The following DTNBP1 variants were observed in gnomAD, a reference collection of about 807,000 sequenced individuals.
DTNBP1 encodes dysbindin.
A neutral mutation model predicts 42.8 loss-of-function variants in DTNBP1; 35 were observed. That is an observed-to-expected ratio of 0.82 (90% CI 0.63 to 1.09). The LOEUF is 1.09. Ranked by LOEUF, DTNBP1 falls within the 50% of genes least tolerant of loss-of-function variation. The pLI is 0.00. For synonymous variants in DTNBP1, 171 were observed against 162.2 expected (o/e 1.05, Z -0.41); for missense variants, 457 against 424.2 (o/e 1.08, Z -0.68).
At chr6:15,602,760 C>A (rs1255575197) in intron 6 of DTNBP1, among the ~76,000 whole-genome samples, 1 of 152,094 alleles carries the variant, frequency 6.6e-6, no homozygotes, top group Non-Finnish European at 1.5e-5. Flanking sequence ...AAACTTTTCT[C>A]GAGATTGCTA....
rs567175514 is a variant in DTNBP1 at position 15,530,530 on chromosome 6, G to A, written c.667+2710C>T. On this transcript the variant is annotated intron_variant, in intron 8 of 9. Transcript: ENST00000344537. ...TATTTCCAGCAGGTATCTGCTAGAC[G>A]CGTTCTCTCTGCCAGCCCGCTGACT... Among the ~76,000 whole-genome samples, 5 of 152,166 alleles carry A rather than the reference G, an allele frequency of 3.3e-5. No homozygotes were observed. In the South Asian group the frequency reaches 6.2e-4, roughly 19 times the overall value.
At chr6:15,658,064 G>A (rs1761383558) in intron 1 of DTNBP1, among the ~76,000 whole-genome samples, 1 of 152,152 alleles carries the variant, frequency 6.6e-6, no homozygotes, top group Non-Finnish European at 1.5e-5. Flanking sequence ...CCAGTCTAGG[G>A]CATCTGGTGG....
chr6:15,630,042 C>T (rs1369594295), intron 4 of DTNBP1, among the ~76,000 whole-genome samples: 1 of 152,030 alleles, frequency 6.6e-6, no homozygotes, highest in Non-Finnish European at 1.5e-5. Flanking sequence ...CAAGATTCAC[C>T]CCCAGGAAAT....
At chr6:15,606,775 C>G (rs940310914) in intron 6 of DTNBP1, among the ~76,000 whole-genome samples, 2 of 152,082 alleles carry the variant, frequency 1.3e-5, no homozygotes, top group African/African-American at 4.8e-5. Context: ...TCGTTTTCTT[C>G]AGAGTAAGAA....
intron 6 of DTNBP1, among the ~76,000 whole-genome samples, chr6:15,601,442 C>T (rs1440345041): frequency 6.6e-6 from 1 of 152,046 alleles, no homozygotes; most frequent in African/African-American, 2.4e-5. Context: ...TTTTAAAAAC[C>T]CATGTACAGC....
intron 3 of DTNBP1, among the ~76,000 whole-genome samples, chr6:15,649,966 GTAC>G (rs1250787197): frequency 2.0e-5 from 3 of 152,182 alleles, no homozygotes; most frequent in African/African-American, 7.2e-5. Context: ...TGATTAATTT[GTAC>G]TACACTTCCT....
At chr6:15,574,993 TG>T (rs1158529729) in intron 7 of DTNBP1, among the ~76,000 whole-genome samples, 1 of 152,228 alleles carries the variant, frequency 6.6e-6, no homozygotes, top group African/African-American at 2.4e-5. Flanking sequence ...TCCTGCTATA[TG>T]TTCTCTGAAT....
chr6:15,597,833 C>G (rs1299713709), intron 6 of DTNBP1, among the ~76,000 whole-genome samples: 1 of 152,120 alleles, frequency 6.6e-6, no homozygotes, highest in Non-Finnish European at 1.5e-5. Context: ...GAGGCCATTG[C>G]TGTAATAAAA....
At chr6:15,566,069 C>T (rs1406323624) in intron 7 of DTNBP1, among the ~76,000 whole-genome samples, 1 of 152,256 alleles carries the variant, frequency 6.6e-6, no homozygotes, top group South Asian at 2.1e-4. Context: ...AATCCCAGCA[C>T]TTTGGGAGGC....
rs1344499295 is a variant in DTNBP1 at position 15,541,320 on chromosome 6, T to C, written c.512-7925A>G. On this transcript the variant is annotated intron_variant, in intron 7 of 9. Coordinates refer to ENST00000344537, the MANE Select transcript of DTNBP1 (RefSeq NM_032122.5). ...ACAACCAAATATGGGAGAGGTGAAA[T>C]GATGGGAGGATATTTGAAGGAAAAA... Among the ~76,000 whole-genome samples the C allele has an allele frequency of 4.6e-5, 7 of 151,468 alleles. No homozygotes were observed. In the South Asian group the frequency reaches 1.5e-3, roughly 31 times the overall value.
chr6:15,596,162 ATC>A (rs1776507779), intron 6 of DTNBP1, among the ~76,000 whole-genome samples: 1 of 152,240 alleles, frequency 6.6e-6, no homozygotes, highest in South Asian at 2.1e-4. Context: ...AGCCCAAGGC[ATC>A]TGACTCAATG....
chr6:15,588,233 T>C (rs1176367851), intron 7 of DTNBP1, among the ~76,000 whole-genome samples: 2 of 152,244 alleles, frequency 1.3e-5, no homozygotes, highest in African/African-American at 4.8e-5. Flanking sequence ...ATTCTAGCAA[T>C]GGCTGAATTC....
intron 7 of DTNBP1, among the ~76,000 whole-genome samples, chr6:15,588,469 AATTT>A (rs1289573219): frequency 4.6e-5 from 7 of 152,226 alleles, no homozygotes; most frequent in African/African-American, 1.7e-4. Flanking sequence ...TTCCTGCTCT[AATTT>A]ATTACATAAT....
chr6:15,628,866 G>C (rs1458470978), intron 4 of DTNBP1, among the ~76,000 whole-genome samples: 1 of 152,144 alleles, frequency 6.6e-6, no homozygotes, highest in Admixed American at 6.5e-5. Flanking sequence ...TTTCACTATA[G>C]TAGGAATTCT....
chr6:15,612,833 A>G (rs1333399806), intron 6 of DTNBP1, among the ~76,000 whole-genome samples: 1 of 152,220 alleles, frequency 6.6e-6, no homozygotes, highest in African/African-American at 2.4e-5. Context: ...CATTATAAAC[A>G]TATTTCCATG....
At chr6:15,610,952 A>T (rs1329043117) in intron 6 of DTNBP1, among the ~76,000 whole-genome samples, 5 of 152,244 alleles carry the variant, frequency 3.3e-5, no homozygotes, top group Non-Finnish European at 7.3e-5. Context: ...TATCCAGAAG[A>T]TCTAGCTACG....
chr6:15,620,598 C>T (rs1758988778), intron 5 of DTNBP1, among the ~76,000 whole-genome samples: 1 of 152,184 alleles, frequency 6.6e-6, no homozygotes, highest in East Asian at 1.9e-4. Context: ...TATAACTAGT[C>T]TGACATGGTC....
At chr6:15,551,131 T>C (rs1774187186) in intron 7 of DTNBP1, among the ~76,000 whole-genome samples, 1 of 151,330 alleles carries the variant, frequency 6.6e-6, no homozygotes, top group East Asian at 1.9e-4. Flanking sequence ...GATGAAGGGG[T>C]AAATGAGCAG....
At chr6:15,624,305 T>G (rs1319400622) in intron 5 of DTNBP1, among the ~76,000 whole-genome samples, 1 of 152,202 alleles carries the variant, frequency 6.6e-6, no homozygotes, top group African/African-American at 2.4e-5. Flanking sequence ...TCATAGCCCT[T>G]GTTTTCCAGT....
Sources: allele counts gnomAD v4.1 joint callset (sites outside exome capture counted in the v4.1 genomes callset), GRCh38; gene constraint gnomAD v4.1.1; transcripts MANE v1.5; gene names NCBI Gene and HGNC (gene_info 2026-07-23, HGNC 2026-07-21).